The following C2CD3 variants were observed in gnomAD, a reference collection of about 807,000 sequenced individuals.
The protein encoded by C2CD3 is C2 domain containing 3 centriole elongation regulator.
C2CD3 carries 148 observed loss-of-function variants against 234.0 expected under a neutral mutation model. The ratio of observed to expected loss-of-function variants is 0.63; its 90% CI spans 0.55 to 0.72. The LOEUF is 0.72. Ranked by LOEUF, C2CD3 falls within the 30% of genes least tolerant of loss-of-function variation. The pLI is 0.00. For synonymous variants in C2CD3, 1,000 were observed against 1,035.4 expected (o/e 0.97, Z 0.66); for missense variants, 2,577 against 2,811.5 (o/e 0.92, Z 1.89).
intron 30 of C2CD3, chr11:74,034,611 A>G: frequency 6.2e-7 from 1 of 1,608,438 alleles, no homozygotes; most frequent in Non-Finnish European, 8.5e-7. Context: ...GTAACTACCT[A>G]TATTAAAAAT....
rs557383222 is a variant in C2CD3 at position 74,095,257 on chromosome 11, A to T, written c.3131T>A (p.Val1044Glu). Residue 1044 changes from valine to glutamate, a missense_variant, in exon 17 of 33, where the codon GTG (valine) becomes GAG (glutamate). Coordinates refer to ENST00000334126, the MANE Select transcript of C2CD3 (RefSeq NM_001286577.2). ...TTCAAGGAACTCAGGTCCTTTCAGCACACTGGATTGAGAGTGTTGAACTGG... is the reference window on the plus strand; with the variant it reads ...TTCAAGGAACTCAGGTCCTTTCAGCTCACTGGATTGAGAGTGTTGAACTGG... ...YFPVQHSQSSVLKGPEFLENG... is the reference protein window; with the variant it reads ...YFPVQHSQSSELKGPEFLENG... The T allele has an allele frequency of 2.5e-6, 4 of 1,613,434 alleles. No homozygotes were observed. In the South Asian group the frequency reaches 3.3e-5, roughly 13 times the overall value.
chr11:74,120,902 A>T (rs1481891540), intron 8 of C2CD3, among the ~76,000 whole-genome samples: 2 of 152,172 alleles, frequency 1.3e-5, no homozygotes, highest in Non-Finnish European at 2.9e-5. Context: ...TCATGCCTGT[A>T]ATTTCAACCC....
At position 74,090,953 on chromosome 11, in the gene C2CD3, C is replaced by A. The variant is rs1264463063; in HGVS notation, c.3518-17G>T. On this transcript the variant is annotated splice_polypyrimidine_tract_variant and intron_variant, in intron 19 of 32. Coordinates refer to ENST00000334126, the MANE Select transcript of C2CD3 (RefSeq NM_001286577.2). ...CCAGTAAACCTGAAGAATGAGGACACAAGGAAAGAAGGTTGGTCAGAAGAA... is the reference window on the plus strand; with the variant it reads ...CCAGTAAACCTGAAGAATGAGGACAAAAGGAAAGAAGGTTGGTCAGAAGAA... The A allele has an allele frequency of 1.9e-6, 3 of 1,612,698 alleles. No homozygotes were observed. The highest frequency in any genetic ancestry group is 8.5e-7 in the Non-Finnish European group (1 of 1,179,476).
At chr11:74,143,049 T>C (rs11236020) in intron 3 of C2CD3, among the ~76,000 whole-genome samples, 43,015 of 152,010 alleles carry the variant, frequency 0.28, 7,098 homozygotes, top group African/African-American at 0.46. Context: ...TTTTGCCTTT[T>C]TGGTGCTATC....
chr11:74,036,372 A>G (rs1280212120), intron 30 of C2CD3: 1 of 451,826 alleles, frequency 2.2e-6, no homozygotes, highest in Non-Finnish European at 4.5e-6. Context: ...AAATAACAGA[A>G]TAGTGCCTGG....
rs1369199035 is a variant in C2CD3 at position 74,048,336 on chromosome 11, G to T, written c.5364C>A (p.Ile1788=). The T allele has an allele frequency of 1.9e-6, 3 of 1,613,382 alleles. No homozygotes were observed. In the South Asian group the frequency reaches 3.3e-5, roughly 18 times the overall value. Residue 1788 remains isoleucine, a splice_region_variant and synonymous_variant, in exon 28 of 33, where the codon ATC becomes ATA. Transcript: ENST00000334126. ...RRGVETSKSL[I]PIYSPFSFPA... ...GGAAGGAAAAGGGACTGTATATTGG[G>T]ATCTGTAAACACAACAAGAAAAATG... is the stretch of plus-strand genomic sequence containing the variant.
chr11:74,018,066 ACTCTGGGTCT>A (rs1951941433), intron 32 of C2CD3, among the ~76,000 whole-genome samples: 1 of 151,920 alleles, frequency 6.6e-6, no homozygotes, highest in Non-Finnish European at 1.5e-5. Flanking sequence ...ATGCTTTCTC[ACTCTGGGTCT>A]CTCTGGGTCT....
chr11:74,039,178 G>A (rs1952890134), intron 29 of C2CD3, among the ~76,000 whole-genome samples: 1 of 152,176 alleles, frequency 6.6e-6, no homozygotes, highest in African/African-American at 2.4e-5. Context: ...TGGGAAATAA[G>A]CAAATCTACT....
chr11:74,066,354 T>C (rs992374375), intron 24 of C2CD3, among the ~76,000 whole-genome samples: 2 of 146,112 alleles, frequency 1.4e-5, no homozygotes, highest in East Asian at 2.1e-4. Flanking sequence ...TGTATACATA[T>C]GTAACAAATC....
intron 7 of C2CD3, among the ~76,000 whole-genome samples, chr11:74,127,397 A>G (rs1200146882): frequency 2.6e-5 from 4 of 152,142 alleles, no homozygotes; most frequent in Non-Finnish European, 5.9e-5. Context: ...ACACTACTCT[A>G]CTGTATGGAT....
intron 28 of C2CD3, among the ~76,000 whole-genome samples, chr11:74,046,148 A>C (rs567040035): frequency 9.5e-4 from 141 of 149,144 alleles, no homozygotes; most frequent in South Asian, 7.5e-3. Flanking sequence ...ACATGTATAC[A>C]TCCAAATAAA....
chr11:74,093,132 C>T (rs1169362883), intron 18 of C2CD3, among the ~76,000 whole-genome samples: 1 of 151,864 alleles, frequency 6.6e-6, no homozygotes, highest in Non-Finnish European at 1.5e-5. Flanking sequence ...GGATGGTACT[C>T]ATCCCTAGTT....
intron 28 of C2CD3, among the ~76,000 whole-genome samples, chr11:74,044,770 A>C (rs1953275025): frequency 6.6e-6 from 1 of 151,964 alleles, no homozygotes; most frequent in Non-Finnish European, 1.5e-5. Context: ...ATGAATACCC[A>C]ATGCTTAGCT....
chr11:74,076,371 C>T (rs190483365), intron 23 of C2CD3, among the ~76,000 whole-genome samples: 129 of 152,260 alleles, frequency 8.5e-4, no homozygotes, highest in Middle Eastern at 6.8e-3. Flanking sequence ...TCAGTTTCTT[C>T]GACTGTAGAG....
rs1343128164 is a variant in C2CD3 at position 74,093,800 on chromosome 11, G to C, written c.3344+16C>G. 4 of 1,608,484 alleles carry C rather than the reference G, an allele frequency of 2.5e-6. No individual in the cohort carries two copies. Among genetic ancestry groups the C allele is most frequent in the Non-Finnish European group, 3.4e-6 (4 of 1,175,896 alleles). On this transcript the variant is annotated intron_variant, in intron 18 of 32. Transcript: ENST00000334126. ...ACTTCCTTCCTAGGCATAGGACTGG[G>C]GTCTCCACACTGTACCTGCACCAGA...
chr11:74,016,925 T>G (rs1951901905), intron 32 of C2CD3: 1 of 152,348 alleles, frequency 6.6e-6, no homozygotes, highest in Admixed American at 6.5e-5. Context: ...GCAGGTGCCT[T>G]GGAGTCTAGA....
chr11:74,111,639 T>C (rs1350880480), intron 11 of C2CD3, among the ~76,000 whole-genome samples: 4 of 152,098 alleles, frequency 2.6e-5, no homozygotes, highest in African/African-American at 9.7e-5. Flanking sequence ...TTGTGTATGG[T>C]GCATTAATAC....
chr11:74,160,084 T>C (rs1227088297), intron 3 of C2CD3, among the ~76,000 whole-genome samples: 4 of 152,194 alleles, frequency 2.6e-5, no homozygotes, highest in Non-Finnish European at 4.4e-5. Flanking sequence ...ACATGCTATA[T>C]AGGTTTGTAC....
chr11:74,160,969 T>A (rs542153984), intron 3 of C2CD3, among the ~76,000 whole-genome samples: 45 of 152,272 alleles, frequency 3.0e-4, no homozygotes, highest in African/African-American at 1.1e-3. Context: ...TATTGTTCAG[T>A]ACTATATTAT....
Sources: allele counts gnomAD v4.1 joint callset (sites outside exome capture counted in the v4.1 genomes callset), GRCh38; gene constraint gnomAD v4.1.1; transcripts MANE v1.5; gene names NCBI Gene and HGNC (gene_info 2026-07-23, HGNC 2026-07-21).